ESYT2: variants seen among roughly 807,000 people sequenced by gnomAD.
ESYT2 encodes the protein extended synaptotagmin 2, also known as extended synaptotagmin-2.
A neutral mutation model predicts 107.2 loss-of-function variants in ESYT2; 54 were observed. The ratio of observed to expected loss-of-function variants is 0.50; its 90% CI spans 0.40 to 0.63. The LOEUF (loss-of-function observed/expected upper bound fraction) is 0.63, where lower values mean the gene tolerates loss of function less well. Ranked by LOEUF, ESYT2 falls within the 30% of genes least tolerant of loss-of-function variation. ESYT2 has a pLI of 0.00. For synonymous variants in ESYT2, 491 were observed against 434.1 expected (o/e 1.13, Z -1.63); for missense variants, 1,020 against 1,094.5 (o/e 0.93, Z 0.96).
At chr7:158,735,062 C>T (rs1414045069) in intron 21 of ESYT2, among the ~76,000 whole-genome samples, 1 of 152,210 alleles carries the variant, frequency 6.6e-6, no homozygotes, top group African/African-American at 2.4e-5. Context: ...CCCATGTGCC[C>T]TCCATGGCAG....
intron 6 of ESYT2, 147 bp from the exon 7 acceptor site, chr7:158,773,543 AT>A: frequency 3.0e-6 from 2 of 666,148 alleles, no homozygotes; most frequent in Non-Finnish European, 2.4e-6. Context: ...TACCAAGGAC[AT>A]TTTTCTTTGG....
At chr7:158,779,208 T>C (rs1838683715) in intron 6 of ESYT2, among the ~76,000 whole-genome samples, 1 of 152,180 alleles carries the variant, frequency 6.6e-6, no homozygotes, top group Non-Finnish European at 1.5e-5. Flanking sequence ...AGTTTCTATT[T>C]ATAGCAAAGA....
At chr7:158,737,413 C>T (rs535764344) in intron 19 of ESYT2, among the ~76,000 whole-genome samples, 1 of 152,304 alleles carries the variant, frequency 6.6e-6, no homozygotes, top group African/African-American at 2.4e-5. Context: ...ATTTCTCAAG[C>T]CCAGAGTTTG....
intron 13 of ESYT2, among the ~76,000 whole-genome samples, chr7:158,753,156 G>C (rs1251170689): frequency 2.6e-5 from 4 of 152,162 alleles, no homozygotes; most frequent in African/African-American, 7.2e-5. Context: ...TTTAGGAAAG[G>C]GTTCTATTTA....
At chr7:158,803,179 C>T (rs970444505) in intron 1 of ESYT2, among the ~76,000 whole-genome samples, 3 of 152,250 alleles carry the variant, frequency 2.0e-5, no homozygotes, top group African/African-American at 7.2e-5. Flanking sequence ...CGGAGCACAC[C>T]TAAGTGAGAG....
At chr7:158,778,540 A>T (rs1281670897) in intron 6 of ESYT2, among the ~76,000 whole-genome samples, 1 of 152,144 alleles carries the variant, frequency 6.6e-6, no homozygotes, top group Non-Finnish European at 1.5e-5. Flanking sequence ...ATAATAAAAG[A>T]ATCTCCTCCT....
chr7:158,787,900 C>T (rs928870863), intron 6 of ESYT2, 104 bp downstream of exon 6: 59 of 857,960 alleles, frequency 6.9e-5, no homozygotes, highest in African/African-American at 1.2e-4. Flanking sequence ...AAAGGGACAA[C>T]GGTGAGTTGA....
intron 1 of ESYT2, among the ~76,000 whole-genome samples, chr7:158,804,476 G>A (rs1384255480): frequency 1.3e-5 from 2 of 148,756 alleles, no homozygotes; most frequent in Admixed American, 6.7e-5. Context: ...CCAAACTGCC[G>A]AGAAGGGTGA....
chr7:158,778,501 A>T (rs1838650298), intron 6 of ESYT2, among the ~76,000 whole-genome samples: 1 of 152,126 alleles, frequency 6.6e-6, no homozygotes, highest in African/African-American at 2.4e-5. Flanking sequence ...GCAGGCTATT[A>T]AAAAAATGTA....
chr7:158,738,583 T>G (rs553712357), intron 19 of ESYT2, among the ~76,000 whole-genome samples: 1 of 152,034 alleles, frequency 6.6e-6, no homozygotes, highest in South Asian at 2.1e-4. Flanking sequence ...GCCTCCCTAG[T>G]AGCTGGGATT....
intron 1 of ESYT2, among the ~76,000 whole-genome samples, chr7:158,805,385 C>T (rs573884912): frequency 6.6e-6 from 1 of 152,250 alleles, no homozygotes; most frequent in African/African-American, 2.4e-5. Context: ...ATAGTTGCTT[C>T]TACAAAGAAA....
chr7:158,757,426 T>C (rs1320045073), intron 13 of ESYT2, among the ~76,000 whole-genome samples: 1 of 152,144 alleles, frequency 6.6e-6, no homozygotes, highest in Non-Finnish European at 1.5e-5. Flanking sequence ...GTTTCCCTCG[T>C]AGATGCCCTT....
intron 1 of ESYT2, among the ~76,000 whole-genome samples, chr7:158,820,997 T>C (rs1042672810): frequency 6.6e-6 from 1 of 152,200 alleles, no homozygotes; most frequent in African/African-American, 2.4e-5. Flanking sequence ...TCAAGACTCA[T>C]TTTTAATGCT....
In ESYT2 at chr7:158,829,098, C is replaced by T; in HGVS notation, c.321G>A (p.Leu107=). Residue 107 remains leucine (L), a synonymous_variant, in exon 1 of 23, where the codon CTG becomes CTA. Transcript: ENST00000275418. The part of the protein sequence containing the change: ...VVRLGVRACD[L]PAWVHFPDTE... ...AGGGGTCTGCACTCACCCAGGCGGGCAGGTCGCAGGCGCGCACCCCCAGGC... is the reference window on the plus strand; with the variant it reads ...AGGGGTCTGCACTCACCCAGGCGGGTAGGTCGCAGGCGCGCACCCCCAGGC... 1 of 1,583,300 alleles carries T rather than the reference C, an allele frequency of 6.3e-7. No individual in the cohort carries two copies. Among genetic ancestry groups the T allele is most frequent in the East Asian group, 2.3e-5 (1 of 43,496 alleles).
At chr7:158,809,404 A>G (rs531824126) in intron 1 of ESYT2, among the ~76,000 whole-genome samples, 8 of 127,590 alleles carry the variant, frequency 6.3e-5, no homozygotes, top group African/African-American at 1.7e-4. Context: ...TGAACCTGGG[A>G]GGCGAAGGTT....
chr7:158,763,635 C>T (rs1247150590), intron 9 of ESYT2, among the ~76,000 whole-genome samples: 1 of 152,046 alleles, frequency 6.6e-6, no homozygotes, highest in African/African-American at 2.4e-5. Flanking sequence ...ATTGTCAAGT[C>T]ACACACACCT....
intron 17 of ESYT2, among the ~76,000 whole-genome samples, chr7:158,743,206 C>A (rs1837272509): frequency 6.6e-6 from 1 of 152,152 alleles, no homozygotes; most frequent in Non-Finnish European, 1.5e-5. Flanking sequence ...CTTGTTGATA[C>A]CAACAGTAAC....
intron 1 of ESYT2, among the ~76,000 whole-genome samples, chr7:158,828,774 G>C (rs1584896843): frequency 6.6e-6 from 1 of 151,820 alleles, no homozygotes; most frequent in Non-Finnish European, 1.5e-5. Flanking sequence ...GCTGGGGTCT[G>C]CACTCGCCCT....
intron 1 of ESYT2, among the ~76,000 whole-genome samples, chr7:158,807,690 G>A (rs2129473873): frequency 6.6e-6 from 1 of 152,278 alleles, no homozygotes; most frequent in South Asian, 2.1e-4. Flanking sequence ...AAATATCTGG[G>A]GCACTTACGG....
Sources: gnomAD v4.1 joint callset for allele counts (sites outside exome capture counted in the v4.1 genomes callset) on GRCh38, gnomAD v4.1.1 for gene constraint, MANE v1.5 for transcripts, NCBI Gene and HGNC (gene_info 2026-07-23, HGNC 2026-07-21) for gene names.